LEKR1: variants seen among roughly 807,000 people sequenced by gnomAD.
LEKR1 encodes leucine, glutamate and lysine rich 1.
Under a neutral mutation model 72.4 loss-of-function variants are expected in LEKR1, and 59 were observed. That is an observed-to-expected ratio of 0.82 (90% CI 0.66 to 1.01). LEKR1 has a LOEUF of 1.01. LEKR1 is among the 50% of genes least tolerant of loss of function. The pLI is 0.00. For synonymous variants in LEKR1, 257 were observed against 263.2 expected (o/e 0.98, Z 0.23); for missense variants, 728 against 759.2 (o/e 0.96, Z 0.48).
chr3:156,954,395 C>A (rs1284595083), intron 6 of LEKR1, among the ~76,000 whole-genome samples: 1 of 151,952 alleles, frequency 6.6e-6, no homozygotes, highest in Non-Finnish European at 1.5e-5. Flanking sequence ...GATTTTGTTG[C>A]TATTGCTTTT....
intron 3 of LEKR1, among the ~76,000 whole-genome samples, chr3:156,902,015 T>C (rs1722085582): frequency 6.6e-6 from 1 of 152,130 alleles, no homozygotes; most frequent in African/African-American, 2.4e-5. Flanking sequence ...CTCTGCCTTA[T>C]TTCCGGAAGC....
intron 9 of LEKR1, among the ~76,000 whole-genome samples, chr3:157,010,012 C>T (rs890916155): frequency 1.3e-5 from 2 of 152,094 alleles, no homozygotes; most frequent in African/African-American, 4.8e-5. Flanking sequence ...TAAAGCTGCT[C>T]ATAATATTTC....
intron 3 of LEKR1, among the ~76,000 whole-genome samples, chr3:156,869,595 T>C (rs915844701): frequency 2.0e-5 from 3 of 152,068 alleles, no homozygotes; most frequent in African/African-American, 7.2e-5. Flanking sequence ...TCTTGTATAT[T>C]GTGGATATTA....
chr3:156,990,290 A>G (rs906536008), intron 7 of LEKR1, among the ~76,000 whole-genome samples: 11 of 152,194 alleles, frequency 7.2e-5, no homozygotes, highest in Non-Finnish European at 1.6e-4. Flanking sequence ...ATCTGGAGGC[A>G]CATGATAACA....
At chr3:157,037,260 G>C (rs1560163388) in intron 12 of LEKR1, among the ~76,000 whole-genome samples, 1 of 152,084 alleles carries the variant, frequency 6.6e-6, no homozygotes, top group Non-Finnish European at 1.5e-5. Flanking sequence ...TGGGAGGCAG[G>C]ACTTGGAAAT....
At chr3:156,931,038 TA>T (rs1403691743) in intron 5 of LEKR1, among the ~76,000 whole-genome samples, 1 of 152,076 alleles carries the variant, frequency 6.6e-6, no homozygotes, top group African/African-American at 2.4e-5. Flanking sequence ...GTAAGAACTA[TA>T]AAAGAATGAA....
intron 2 of LEKR1, among the ~76,000 whole-genome samples, chr3:156,831,343 C>T (rs1560009428): frequency 6.6e-6 from 1 of 152,138 alleles, no homozygotes; most frequent in Non-Finnish European, 1.5e-5. Flanking sequence ...GTCATTTACA[C>T]CTACATATTA....
intron 6 of LEKR1, among the ~76,000 whole-genome samples, chr3:156,966,241 G>T (rs180741373): frequency 9.8e-4 from 149 of 152,230 alleles, no homozygotes; most frequent in African/African-American, 3.4e-3. Context: ...TCCAACTGAG[G>T]TACTGGGTTC....
intron 3 of LEKR1, among the ~76,000 whole-genome samples, chr3:156,886,643 C>CT (rs1239148230): frequency 2.0e-5 from 3 of 152,128 alleles, no homozygotes; most frequent in Non-Finnish European, 2.9e-5. Flanking sequence ...GCTACTTCTA[C>CT]TTTTTTGTGG....
chr3:156,872,531 C>G (rs1191871011), intron 3 of LEKR1, among the ~76,000 whole-genome samples: 1 of 151,838 alleles, frequency 6.6e-6, no homozygotes, highest in Non-Finnish European at 1.5e-5. Flanking sequence ...AGATGTATAG[C>G]TAGATTATCG....
chr3:156,993,062 ATT>A lies in LEKR1; in HGVS notation c.906-10_906-9del. ...ATGTATGTTGGTGGGTGTTTTTCCTATTTCTTTTTAGGCATACTATGCTGCTT... is the reference window on the plus strand; with the variant it reads ...ATGTATGTTGGTGGGTGTTTTTCCTATCTTTTTAGGCATACTATGCTGCTT... On this transcript the variant is annotated splice_polypyrimidine_tract_variant and intron_variant, in intron 8 of 12. Transcript: ENST00000356539. 2.6e-6 allele frequency: 4 copies of A among 1,514,410 alleles called. No homozygotes were observed. The highest frequency in any genetic ancestry group is 3.6e-6 in the Non-Finnish European group (4 of 1,113,480). The allele number at this position is 1,514,410 out of a possible 1,614,324, so 93.8% of individuals were successfully genotyped here.
At chr3:157,005,801 G>A (rs967832372) in intron 9 of LEKR1, among the ~76,000 whole-genome samples, 1 of 152,002 alleles carries the variant, frequency 6.6e-6, no homozygotes, top group Non-Finnish European at 1.5e-5. Context: ...TAATAAAGGA[G>A]TTTTTCTATA....
At chr3:156,849,976 A>G (rs1328465134) in intron 2 of LEKR1, among the ~76,000 whole-genome samples, 3 of 152,230 alleles carry the variant, frequency 2.0e-5, no homozygotes, top group Non-Finnish European at 2.9e-5. Flanking sequence ...CAGGCAACCT[A>G]CACAATGGGA....
chr3:157,003,559 T>G (rs1272603761), intron 9 of LEKR1, among the ~76,000 whole-genome samples: 2 of 152,182 alleles, frequency 1.3e-5, no homozygotes, highest in Admixed American at 1.3e-4. Context: ...TCAGCATTCC[T>G]TAGCTCCTGG....
At chr3:156,977,647 C>G (rs1373042443) in intron 6 of LEKR1, 3 of 270,912 alleles carry the variant, frequency 1.1e-5, no homozygotes, top group African/African-American at 4.6e-5. Flanking sequence ...AGAACACACA[C>G]AGGAGATAAA....
chr3:156,965,556 T>A (rs1215375365), intron 6 of LEKR1, among the ~76,000 whole-genome samples: 1 of 152,206 alleles, frequency 6.6e-6, no homozygotes, highest in Non-Finnish European at 1.5e-5. Flanking sequence ...TTGAATTGCA[T>A]CTTTTTAATT....
chr3:156,917,592 A>G (rs1011083371), intron 3 of LEKR1, among the ~76,000 whole-genome samples: 2 of 152,132 alleles, frequency 1.3e-5, no homozygotes. Flanking sequence ...GAAATTAGGA[A>G]ACAATGGAAT....
chr3:156,828,662 T>C (rs1436707876), intron 1 of LEKR1, among the ~76,000 whole-genome samples: 1 of 152,094 alleles, frequency 6.6e-6, no homozygotes, highest in Non-Finnish European at 1.5e-5. Context: ...CTGACCTTTA[T>C]ATTGAATGGC....
At chr3:156,879,480 A>T (rs1173687324) in intron 3 of LEKR1, among the ~76,000 whole-genome samples, 4 of 152,232 alleles carry the variant, frequency 2.6e-5, no homozygotes, top group Admixed American at 2.6e-4. Flanking sequence ...AAAGGGAAAC[A>T]GCATAAAAGT....
Sources: allele counts gnomAD v4.1 joint callset (sites outside exome capture counted in the v4.1 genomes callset), GRCh38; gene constraint gnomAD v4.1.1; transcripts MANE v1.5; gene names NCBI Gene and HGNC (gene_info 2026-07-23, HGNC 2026-07-21).